The following EBF3 variants were observed in gnomAD, a reference collection of about 807,000 sequenced individuals.
EBF3 encodes the protein transcription factor COE3.
Under a neutral mutation model 77.1 loss-of-function variants are expected in EBF3, and 18 were observed. The observed-to-expected ratio is 0.23, with a 90% CI of 0.16 to 0.35. The LOEUF is 0.35. EBF3 is among the 10% of genes least tolerant of loss of function. The pLI, the probability that EBF3 is intolerant of heterozygous loss-of-function variation, is 1.00. For synonymous variants in EBF3, 350 were observed against 343.5 expected, an observed-to-expected ratio of 1.02 and a Z score of -0.21; for missense variants, 558 against 860.0, an observed-to-expected ratio of 0.65 and a Z score of 4.39.
At chr10:129,962,822 A>C in intron 3 of EBF3, 120 bp downstream of exon 3, 1 of 1,186,070 alleles carries the variant, frequency 8.4e-7, no homozygotes, top group African/African-American at 1.5e-5. Context: ...CTTCTATGCC[A>C]TGAGAAGATT....
chr10:129,853,302 C>G (rs561602486), intron 10 of EBF3, among the ~76,000 whole-genome samples: 64 of 152,286 alleles, frequency 4.2e-4, no homozygotes, highest in Non-Finnish European at 7.4e-4. Flanking sequence ...TTAGGTTTAG[C>G]GCAAATTTTC....
rs1336860376 is a variant in EBF3, at chr10:129,943,605, AAGAC to A, written c.554+13649_554+13652del. Among the ~76,000 whole-genome samples, 1 of 152,200 alleles carries A rather than the reference AAGAC, an allele frequency of 6.6e-6. No homozygotes were observed. Among genetic ancestry groups the A allele is most frequent in the Admixed American group, 6.5e-5 (1 of 15,276 alleles). ...GGAGTCGCCAGCCGGGCTTGGGAAC[AAGAC>A]AGGTCCCCGGCGTGCACATCCAAAG... On this transcript the variant is annotated intron_variant, in intron 6 of 16. Transcript: ENST00000440978. The surrounding 1 kb of genome is among the most constrained non-coding windows in gnomAD (Gnocchi z 8.8).
rs1257490184 is a variant in EBF3 at position 129,959,018 on chromosome 10, G to C, written c.412-11C>G. 1 of 1,597,658 alleles carries C rather than the reference G, an allele frequency of 6.3e-7. No individual in the cohort carries two copies. On this transcript the variant is annotated splice_polypyrimidine_tract_variant and intron_variant, in intron 4 of 16. Coordinates refer to ENST00000440978, the MANE Select transcript of EBF3 (RefSeq NM_001375380.1). ...CTCGTAGACGATGGCCTGCGCGAGG[G>C]ACAAGCAGAGGCTGGGGTTACGCGG...
At chr10:129,849,624 G>A (rs1481404346) in intron 10 of EBF3, among the ~76,000 whole-genome samples, 1 of 152,192 alleles carries the variant, frequency 6.6e-6, no homozygotes, top group Non-Finnish European at 1.5e-5. Context: ...TGTAAGCAAC[G>A]CAGGAAGCCT....
intron 6 of EBF3, among the ~76,000 whole-genome samples, chr10:129,892,987 G>C (rs1854129269): frequency 6.6e-6 from 1 of 152,250 alleles, no homozygotes; most frequent in Non-Finnish European, 1.5e-5. Context: ...GGCACACACG[G>C]TTCGGAACAG....
In EBF3 at chr10:129,939,399, A is replaced by G. The variant is rs79439839; in HGVS notation, c.554+17859T>C. On this transcript the variant is annotated intron_variant, in intron 6 of 16. Coordinates refer to ENST00000440978, the MANE Select transcript of EBF3 (RefSeq NM_001375380.1). ...AAACTCCAGACTTCATCAAAAATCA[A>G]ACCAACCAACAATCACATTAAAAGT... 2.6e-3 allele frequency among the ~76,000 whole-genome samples: 396 copies of G among 152,336 alleles called. 2 individuals carry two copies. Among genetic ancestry groups the G allele is most frequent in the African/African-American group, 9.3e-3 (386 of 41,582 alleles).
At chr10:129,857,223 C>T in intron 10 of EBF3, among the ~76,000 whole-genome samples, 1 of 152,208 alleles carries the variant, frequency 6.6e-6, no homozygotes, top group East Asian at 1.9e-4. Context: ...ACACTGGAAT[C>T]CCCAAAAGCA....
rs1850161751 is a variant in EBF3 at position 129,842,691 on chromosome 10, G to A, written c.1195-398C>T. On this transcript the variant is annotated intron_variant, in intron 12 of 16. Transcript: ENST00000440978. This position sits in a 1 kb window ranked among gnomAD's most constrained non-coding sequence, Gnocchi z 4.4. ...AGGCAGGAGAATCGCTTGAACCTGG[G>A]AGGTGGAGGTTGCAGTGAACCGACA... Among the ~76,000 whole-genome samples the A allele has an allele frequency of 1.3e-5, 2 of 151,710 alleles. No homozygotes were observed. The highest frequency in any genetic ancestry group is 1.5e-5 in the Non-Finnish European group (1 of 67,966).
At chr10:129,887,768 A>G (rs1853709696) in intron 6 of EBF3, among the ~76,000 whole-genome samples, 1 of 152,168 alleles carries the variant, frequency 6.6e-6, no homozygotes, top group Non-Finnish European at 1.5e-5. Flanking sequence ...GGAGTCACAC[A>G]TGGCGAGTGG....
chr10:129,956,464 C>T (rs1034251784), intron 6 of EBF3, among the ~76,000 whole-genome samples: 2 of 152,146 alleles, frequency 1.3e-5, no homozygotes, highest in African/African-American at 4.8e-5. Context: ...TGCACGGCAC[C>T]GAAACCCAGC....
At chr10:129,922,627 G>A (rs985410347) in intron 6 of EBF3, among the ~76,000 whole-genome samples, 2 of 152,202 alleles carry the variant, frequency 1.3e-5, no homozygotes, top group Non-Finnish European at 2.9e-5. Context: ...GTCCTTGCAC[G>A]GCAGGCTGTG....
intron 6 of EBF3, among the ~76,000 whole-genome samples, chr10:129,924,446 C>CAAAAAAAAA (rs1433963607): frequency 8.1e-6 from 1 of 123,398 alleles, no homozygotes; most frequent in Non-Finnish European, 1.7e-5. Context: ...AAAAAAAAAA[C>CAAAAAAAAA]AAAAAACAAA....
intron 11 of EBF3, chr10:129,843,493 C>T (rs1564817778): frequency 2.7e-6 from 1 of 364,788 alleles, no homozygotes; most frequent in Non-Finnish European, 5.1e-6. Context: ...GAGAACGAGC[C>T]CAATCCGTGC....
chr10:129,875,711 A>G (rs1167164046), intron 7 of EBF3, among the ~76,000 whole-genome samples: 1 of 152,204 alleles, frequency 6.6e-6, no homozygotes, highest in Non-Finnish European at 1.5e-5. Context: ...AGCCTTGGGT[A>G]TCTCAGCACC....
rs1850084497 is a variant in EBF3 at position 129,841,869 on chromosome 10, G to C, written c.1372+247C>G. On this transcript the variant is annotated intron_variant, in intron 13 of 16. Coordinates refer to ENST00000440978, the MANE Select transcript of EBF3 (RefSeq NM_001375380.1). This position sits in a 1 kb window ranked among gnomAD's most constrained non-coding sequence, Gnocchi z 4.6. The stretch of plus-strand genomic sequence containing the variant: ...TGAGGGAAACTTCTAGCAAATACCA[G>C]TGACCCGCATGGCATCCATTGGAGC... 6.6e-6 allele frequency among the ~76,000 whole-genome samples: 1 copy of C among 152,140 alleles called. No individual in the cohort carries two copies. The highest frequency in any genetic ancestry group is 2.4e-5 in the African/African-American group (1 of 41,450).
At chr10:129,937,433 C>T (rs1589906572) in intron 6 of EBF3, among the ~76,000 whole-genome samples, 1 of 152,098 alleles carries the variant, frequency 6.6e-6, no homozygotes, top group African/African-American at 2.4e-5. Context: ...GTGGTGACAG[C>T]AAGAAAAAGG....
At chr10:129,876,518 G>A (rs1852783345) in intron 7 of EBF3, among the ~76,000 whole-genome samples, 1 of 152,256 alleles carries the variant, frequency 6.6e-6, no homozygotes, top group South Asian at 2.1e-4. Context: ...GGCCCAAAGA[G>A]CCCGCCTCCT....
chr10:129,960,753 C>T (rs936122938), intron 4 of EBF3, among the ~76,000 whole-genome samples: 1 of 150,428 alleles, frequency 6.6e-6, no homozygotes, highest in Admixed American at 6.7e-5. Context: ...GTACTTAAAA[C>T]GAAGCCTCCT....
In EBF3 at chr10:129,935,661, C is replaced by T. The variant is rs1857309531; in HGVS notation, c.554+21597G>A. Among the ~76,000 whole-genome samples the T allele has an allele frequency of 6.6e-6, 1 of 152,224 alleles. No individual in the cohort carries two copies. The highest frequency in any genetic ancestry group is 2.4e-5 in the African/African-American group (1 of 41,456). On this transcript the variant is annotated intron_variant, in intron 6 of 16. Coordinates refer to ENST00000440978, the MANE Select transcript of EBF3 (RefSeq NM_001375380.1). The surrounding 1 kb of genome is among the most constrained non-coding windows in gnomAD (Gnocchi z 4.2). ...GAGCCCAGAGCCTGGGCGTCCAGGG[C>T]ACAGACAGCTCTCAGCCACCATTCC...
Sources: allele counts gnomAD v4.1 joint callset (sites outside exome capture counted in the v4.1 genomes callset), GRCh38; gene constraint gnomAD v4.1.1; non-coding constraint Gnocchi (gnomAD v3.1); transcripts MANE v1.5; gene names NCBI Gene and HGNC (gene_info 2026-07-23, HGNC 2026-07-21).